Variants in EIF3H observed in about 807,000 individuals in gnomAD.
EIF3H encodes eukaryotic translation initiation factor 3 subunit H, also known as eIF-3-gamma.
EIF3H carries 26 observed loss-of-function variants against 44.2 expected under a neutral mutation model. The ratio of observed to expected loss-of-function variants is 0.59; its 90% CI spans 0.43 to 0.82. The LOEUF (loss-of-function observed/expected upper bound fraction) is 0.82. Among genes scored for constraint, EIF3H ranks in the 40% least tolerant of loss-of-function variants. EIF3H has a pLI of 0.00. For synonymous variants in EIF3H, 166 were observed against 151.9 expected, an observed-to-expected ratio of 1.09 and a Z score of -0.68; for missense variants, 359 against 432.8, an observed-to-expected ratio of 0.83 and a Z score of 1.51.
intron 2 of EIF3H, among the ~76,000 whole-genome samples, chr8:116,674,446 C>T (rs1017758428): frequency 6.6e-6 from 1 of 152,108 alleles, no homozygotes; most frequent in Non-Finnish European, 1.5e-5. Flanking sequence ...TTCTATCATA[C>T]GCATTCTATC....
chr8:116,726,256 T>G, intron 1 of EIF3H, 84 bp from the exon 2 acceptor site: 1 of 1,442,544 alleles, frequency 6.9e-7, no homozygotes, highest in Non-Finnish European at 9.2e-7. Flanking sequence ...CAAAAGAAAC[T>G]GTACTAGGTT....
chr8:116,755,034 T>C (rs1489946577), intron 1 of EIF3H, among the ~76,000 whole-genome samples: 1 of 152,230 alleles, frequency 6.6e-6, no homozygotes, highest in Non-Finnish European at 1.5e-5. Flanking sequence ...ATTCTAGATT[T>C]TCCTCTTCCC....
intron 2 of EIF3H, among the ~76,000 whole-genome samples, chr8:116,693,446 T>C (rs142553119): frequency 6.6e-6 from 1 of 152,318 alleles, no homozygotes; most frequent in East Asian, 1.9e-4. Flanking sequence ...ACTGCTGCAT[T>C]GATAAGTAGA....
intron 1 of EIF3H, among the ~76,000 whole-genome samples, chr8:116,729,335 T>A (rs1400346614): frequency 6.6e-6 from 1 of 152,236 alleles, no homozygotes; most frequent in African/African-American, 2.4e-5. Context: ...TTTCCAGTTA[T>A]GAAGAAAATA....
At chr8:116,722,951 G>A (rs977158355) in intron 2 of EIF3H, among the ~76,000 whole-genome samples, 21 of 152,068 alleles carry the variant, frequency 1.4e-4, no homozygotes, top group Admixed American at 7.9e-4. Flanking sequence ...GTACATGTTC[G>A]TGAAATAAAA....
At chr8:116,758,458 A>G (rs968907729), upstream of EIF3H, among the ~76,000 whole-genome samples, 2 of 152,196 alleles carry the variant, frequency 1.3e-5, no homozygotes, top group South Asian at 4.1e-4. Context: ...ACAACTATGG[A>G]GAAAATCAAT....
At position 116,674,818 on chromosome 8, in the gene EIF3H, G is replaced by A. The variant is rs146640790; in HGVS notation, c.290-15838C>T. Among the ~76,000 whole-genome samples, 301 of 152,098 alleles carry A rather than the reference G, an allele frequency of 2.0e-3. 1 individual carries two copies. The highest frequency in any genetic ancestry group is 7.0e-3 in the African/African-American group (290 of 41,514). On this transcript the variant is annotated intron_variant, in intron 2 of 7. Transcript: ENST00000521861. ...TGAGTAGAAGAGGGAAAGAGAGCTG[G>A]CAATTTTAATTCTAAGACATCATAG...
At chr8:116,738,207 T>C (rs1184847718) in intron 1 of EIF3H, among the ~76,000 whole-genome samples, 1 of 151,994 alleles carries the variant, frequency 6.6e-6, no homozygotes, top group Non-Finnish European at 1.5e-5. Context: ...CTATGTGGAG[T>C]TTCACAAAAT....
intron 2 of EIF3H, among the ~76,000 whole-genome samples, chr8:116,674,067 C>CAAAAAAAAAA (rs59899280): frequency 3.6e-4 from 18 of 49,662 alleles, no homozygotes; most frequent in African/African-American, 1.6e-3. Flanking sequence ...AAGACTGTCT[C>CAAAAAAAAAA]AAAAAAAAAA....
At chr8:116,699,265 A>C (rs1814328071) in intron 2 of EIF3H, among the ~76,000 whole-genome samples, 1 of 152,264 alleles carries the variant, frequency 6.6e-6, no homozygotes, top group Non-Finnish European at 1.5e-5. Context: ...TTACAAAAAA[A>C]TACTGATATC....
chr8:116,670,413 C>G (rs1379840588), intron 2 of EIF3H, among the ~76,000 whole-genome samples: 1 of 152,104 alleles, frequency 6.6e-6, no homozygotes, highest in Admixed American at 6.5e-5. Flanking sequence ...AATGACAGAC[C>G]AAGGGTTCAG....
At chr8:116,684,453 C>G (rs551617340) in intron 2 of EIF3H, among the ~76,000 whole-genome samples, 1 of 152,290 alleles carries the variant, frequency 6.6e-6, no homozygotes, top group South Asian at 2.1e-4. Flanking sequence ...TCTTCCCTTT[C>G]TTCAATTAAT....
intron 1 of EIF3H, among the ~76,000 whole-genome samples, chr8:116,738,018 C>A (rs949868559): frequency 1.5e-5 from 2 of 135,998 alleles, no homozygotes; most frequent in Non-Finnish European, 3.1e-5. Context: ...CTGGGCGACA[C>A]AGCGAGGCTC....
At chr8:116,761,698 A>C (rs970916883) in intron 1 of EIF3H, among the ~76,000 whole-genome samples, 1 of 152,222 alleles carries the variant, frequency 6.6e-6, no homozygotes, top group Non-Finnish European at 1.5e-5. Flanking sequence ...GATGATGGGC[A>C]CTTCCTGTTT....
At chr8:116,699,134 CAAA>C (rs11358166) in intron 2 of EIF3H, among the ~76,000 whole-genome samples, 6 of 142,058 alleles carry the variant, frequency 4.2e-5, no homozygotes, top group Admixed American at 7.0e-5. Context: ...GAACCTGTCT[CAAA>C]AAAAAAAAAA....
chr8:116,733,576 A>G (rs185773015), intron 1 of EIF3H, among the ~76,000 whole-genome samples: 9 of 152,268 alleles, frequency 5.9e-5, no homozygotes, highest in East Asian at 1.9e-4. Flanking sequence ...AAGACTAAAG[A>G]TATTTCATGT....
At chr8:116,733,305 C>T (rs559436643) in intron 1 of EIF3H, among the ~76,000 whole-genome samples, 3 of 152,188 alleles carry the variant, frequency 2.0e-5, no homozygotes, top group East Asian at 1.9e-4. Context: ...AAATCTTGCA[C>T]AAGAGTTTTT....
At chr8:116,764,534 C>T (rs978631774) in intron 1 of EIF3H, among the ~76,000 whole-genome samples, 2 of 152,192 alleles carry the variant, frequency 1.3e-5, no homozygotes, top group Non-Finnish European at 2.9e-5. Context: ...ATGTCACTTC[C>T]TCTTTGAATA....
intron 2 of EIF3H, among the ~76,000 whole-genome samples, chr8:116,711,415 G>T (rs934303385): frequency 6.6e-6 from 1 of 152,034 alleles, no homozygotes; most frequent in Non-Finnish European, 1.5e-5. Context: ...TTTTCATGGG[G>T]TTGGTGATGC....
Sources: allele counts gnomAD v4.1 joint callset (sites outside exome capture counted in the v4.1 genomes callset), GRCh38; gene constraint gnomAD v4.1.1; transcripts MANE v1.5; gene names NCBI Gene and HGNC (gene_info 2026-07-23, HGNC 2026-07-21).